The following PRIM2 variants were observed in gnomAD, a reference collection of about 807,000 sequenced individuals.
PRIM2 encodes DNA primase subunit 2.
A neutral mutation model predicts 67.3 loss-of-function variants in PRIM2; 39 were observed. The observed-to-expected ratio is 0.58, with a 90% CI of 0.45 to 0.76. The LOEUF (loss-of-function observed/expected upper bound fraction) is 0.76, where lower values mean the gene tolerates loss of function less well. Ranked by LOEUF, PRIM2 falls within the 30% of genes least tolerant of loss-of-function variation. PRIM2 has a pLI of 0.00. For missense variants in PRIM2, 398 were observed against 598.7 expected, an observed-to-expected ratio of 0.66 and a Z score of 3.50; for synonymous variants, 143 against 198.7, an observed-to-expected ratio of 0.72 and a Z score of 2.36.
chr6:57,293,507 A>C, the PRIM2 span, among the ~76,000 whole-genome samples: 1 of 152,230 alleles, frequency 6.6e-6, no homozygotes, highest in Non-Finnish European at 1.5e-5. Flanking sequence ...AAGGATTATA[A>C]ATCATTCTAA....
chr6:57,341,822 A>G (rs1768502020), intron 5 of PRIM2, among the ~76,000 whole-genome samples: 2 of 152,156 alleles, frequency 1.3e-5, no homozygotes, highest in African/African-American at 4.8e-5. Flanking sequence ...TTGAGGTGGA[A>G]GGAAACAGCA....
chr6:57,249,976 G>A, the PRIM2 span, among the ~76,000 whole-genome samples: 3 of 152,288 alleles, frequency 2.0e-5, no homozygotes, highest in South Asian at 4.1e-4. Context: ...CTGCTGTTGG[G>A]AGGACCAGTA....
At chr6:57,371,623 A>G (rs570931947) in intron 5 of PRIM2, among the ~76,000 whole-genome samples, 1 of 152,378 alleles carries the variant, frequency 6.6e-6, no homozygotes, top group African/African-American at 2.4e-5. Flanking sequence ...ACAGAGATGT[A>G]TATTAAAATT....
At chr6:57,532,883 G>C (rs1774922049) in intron 9 of PRIM2, among the ~76,000 whole-genome samples, 1 of 152,124 alleles carries the variant, frequency 6.6e-6, no homozygotes, top group South Asian at 2.1e-4. Context: ...CAAGATCAAA[G>C]GGATAGTAGG....
At chr6:57,583,162 C>T (rs1224193854) in intron 10 of PRIM2, among the ~76,000 whole-genome samples, 1 of 144,170 alleles carries the variant, frequency 6.9e-6, no homozygotes, top group Non-Finnish European at 1.5e-5. Context: ...GTATATGTGC[C>T]ACATTTTCTT....
chr6:57,222,078 G>T, the PRIM2 span: 1 of 152,472 alleles, frequency 6.6e-6, no homozygotes, highest in Non-Finnish European at 1.5e-5. Flanking sequence ...TCCTGGTCGC[G>T]GCGCAACCGC....
chr6:57,316,253 A>G (rs3757295), upstream of PRIM2, among the ~76,000 whole-genome samples: 126,003 of 152,166 alleles, frequency 0.83, 52,350 homozygotes, highest in East Asian at 0.99. Context: ...GTGAAACCCC[A>G]TCTTTACTAA....
chr6:57,252,163 T>G, the PRIM2 span, among the ~76,000 whole-genome samples: 1 of 152,252 alleles, frequency 6.6e-6, no homozygotes, highest in Non-Finnish European at 1.5e-5. Flanking sequence ...CAGGAATACT[T>G]TCATGTTTAC....
intron 5 of PRIM2, among the ~76,000 whole-genome samples, chr6:57,330,384 T>TTTTTTTTTTTTTTTTTTTTTTTG (rs1562696759): frequency 3.1e-4 from 11 of 35,144 alleles, no homozygotes; most frequent in African/African-American, 1.2e-3. Flanking sequence ...TGTTTTTTTG[T>TTTTTTTTTTTTTTTTTTTTTTTG]TTTTTTTTTT....
chr6:57,470,455 C>T (rs1773311582), intron 7 of PRIM2, among the ~76,000 whole-genome samples: 1 of 108,318 alleles, frequency 9.2e-6, no homozygotes, highest in Non-Finnish European at 1.8e-5. Flanking sequence ...CCTCTCCCCT[C>T]TCCCCGTCTC....
intron 7 of PRIM2, among the ~76,000 whole-genome samples, chr6:57,434,343 G>A (rs146964479): frequency 2.0e-4 from 30 of 152,168 alleles, no homozygotes; most frequent in Middle Eastern, 3.4e-3. Context: ...CATGTTATCA[G>A]TATGGTTTGC....
chr6:57,554,570 A>C (rs1404505154), intron 10 of PRIM2, among the ~76,000 whole-genome samples: 11 of 152,254 alleles, frequency 7.2e-5, no homozygotes, highest in South Asian at 2.1e-4. Context: ...GTGACTAACA[A>C]CTCTTTCAAT....
chr6:57,323,895 T>C (rs1181841341), intron 3 of PRIM2, among the ~76,000 whole-genome samples: 1 of 152,074 alleles, frequency 6.6e-6, no homozygotes, highest in Non-Finnish European at 1.5e-5. Flanking sequence ...ATAACCAGCC[T>C]AGGCAACATA....
chr6:57,565,076 A>G (rs1775711384), intron 10 of PRIM2, among the ~76,000 whole-genome samples: 1 of 152,218 alleles, frequency 6.6e-6, no homozygotes, highest in Non-Finnish European at 1.5e-5. Flanking sequence ...AACACCTGAC[A>G]TTAAAACACA....
intron 7 of PRIM2, among the ~76,000 whole-genome samples, chr6:57,493,078 TC>T (rs1343037767): frequency 6.6e-6 from 1 of 152,224 alleles, no homozygotes; most frequent in Admixed American, 6.5e-5. Context: ...TCCAGATAGT[TC>T]CGCCTGGATG....
At chr6:57,374,131 G>A (rs1394102778) in intron 5 of PRIM2, among the ~76,000 whole-genome samples, 24 of 150,416 alleles carry the variant, frequency 1.6e-4, no homozygotes, top group East Asian at 7.8e-4. Flanking sequence ...TTTGAACAGT[G>A]GTTTGTAGAT....
chr6:57,327,149 G>A (rs973238828), intron 5 of PRIM2, among the ~76,000 whole-genome samples: 4 of 152,016 alleles, frequency 2.6e-5, no homozygotes, highest in African/African-American at 4.8e-5. Flanking sequence ...TGATACACCC[G>A]CCTCGGCCTC....
intron 13 of PRIM2, among the ~76,000 whole-genome samples, chr6:57,638,459 T>C (rs1777161874): frequency 1.3e-5 from 2 of 150,964 alleles, no homozygotes; most frequent in South Asian, 2.1e-4. Context: ...GACTGGCAAA[T>C]TGGATGAAGA....
At chr6:57,575,429 T>G (rs1775945560) in intron 10 of PRIM2, among the ~76,000 whole-genome samples, 1 of 152,192 alleles carries the variant, frequency 6.6e-6, no homozygotes, top group African/African-American at 2.4e-5. Flanking sequence ...TATCCTTCAC[T>G]ACACATTGTA....
Sources: gnomAD v4.1 joint callset for allele counts (sites outside exome capture counted in the v4.1 genomes callset) on GRCh38, gnomAD v4.1.1 for gene constraint, MANE v1.5 for transcripts, NCBI Gene and HGNC (gene_info 2026-07-23, HGNC 2026-07-21) for gene names.